Variants in PALLD observed in about 807,000 individuals in gnomAD.
PALLD encodes palladin, cytoskeletal associated protein, also known as palladin.
In PALLD, 61 loss-of-function variants were observed where a neutral mutation model predicts 123.5. The ratio of observed to expected loss-of-function variants is 0.49; its 90% CI spans 0.40 to 0.61. The LOEUF is 0.61. Ranked by LOEUF, PALLD falls within the 20% of genes least tolerant of loss-of-function variation. The pLI is 0.00. For missense variants in PALLD, 1,273 were observed against 1,377.0 expected (o/e 0.92, Z 1.20); for synonymous variants, 465 against 496.4 (o/e 0.94, Z 0.84).
chr4:168,818,306 AG>A (rs1440874464), intron 10 of PALLD, among the ~76,000 whole-genome samples: 4 of 152,076 alleles, frequency 2.6e-5, no homozygotes, highest in Non-Finnish European at 5.9e-5. Flanking sequence ...TGTCAAGAGC[AG>A]GGAAAAAAGG....
chr4:168,751,612 A>G (rs756725987), intron 10 of PALLD, among the ~76,000 whole-genome samples: 6 of 152,320 alleles, frequency 3.9e-5, no homozygotes, highest in East Asian at 1.9e-4. Context: ...CTTAATATCA[A>G]CTTGGAAGTA....
At chr4:168,886,940 A>C (rs1753415694) in intron 10 of PALLD, among the ~76,000 whole-genome samples, 1 of 151,774 alleles carries the variant, frequency 6.6e-6, no homozygotes, top group Non-Finnish European at 1.5e-5. Context: ...AACATGGTGA[A>C]ACCCCATCTC....
chr4:168,683,923 A>G (rs1398023486), intron 5 of PALLD, among the ~76,000 whole-genome samples: 1 of 152,190 alleles, frequency 6.6e-6, no homozygotes, highest in African/African-American at 2.4e-5. Context: ...GGAAAATACA[A>G]ACAGTAGAGA....
At chr4:168,548,926 T>C (rs1377886308) in intron 2 of PALLD, among the ~76,000 whole-genome samples, 1 of 152,042 alleles carries the variant, frequency 6.6e-6, no homozygotes, top group African/African-American at 2.4e-5. Flanking sequence ...GGCAGGAGGT[T>C]TGCTTGGGCC....
intron 2 of PALLD, among the ~76,000 whole-genome samples, chr4:168,649,865 G>C (rs1777855863): frequency 6.6e-6 from 1 of 152,104 alleles, no homozygotes; most frequent in Non-Finnish European, 1.5e-5. Flanking sequence ...TTTCTCTTTT[G>C]TACATTTTAA....
At position 168,771,738 on chromosome 4, in the gene PALLD, G is replaced by A. The variant is rs528983527; in HGVS notation, c.1964+59815G>A. ...CTTTACCACCTGATTCCCTCAAGGC[G>A]ACTCTCCTTCCCTCTGCCAGCACCC... On this transcript the variant is annotated intron_variant, in intron 10 of 21. Coordinates refer to ENST00000505667, the MANE Select transcript of PALLD (RefSeq NM_001166108.2). Among the ~76,000 whole-genome samples, 53 of 152,224 alleles carry A rather than the reference G, an allele frequency of 3.5e-4. No individual in the cohort carries two copies. The South Asian group carries it at 0.011, about 31-fold the overall frequency.
intron 1 of PALLD, among the ~76,000 whole-genome samples, chr4:168,506,571 T>C (rs1483417334): frequency 6.6e-6 from 1 of 152,170 alleles, no homozygotes; most frequent in Admixed American, 6.5e-5. Context: ...CTTTTTTACA[T>C]TTATTTTCAG....
chr4:168,656,172 A>G (rs1778540020), intron 2 of PALLD, among the ~76,000 whole-genome samples: 1 of 151,136 alleles, frequency 6.6e-6, no homozygotes, highest in African/African-American at 2.4e-5. Flanking sequence ...GAATAGCTGA[A>G]TGTGCACCTC....
chr4:168,647,098 C>T (rs1010378150), intron 2 of PALLD, among the ~76,000 whole-genome samples: 6 of 152,192 alleles, frequency 3.9e-5, no homozygotes, highest in Admixed American at 2.0e-4. Flanking sequence ...AAATAGTTAT[C>T]TTTCCTTCTT....
intron 2 of PALLD, among the ~76,000 whole-genome samples, chr4:168,603,555 A>T (rs1580529872): frequency 6.6e-6 from 1 of 152,356 alleles, no homozygotes; most frequent in East Asian, 1.9e-4. Flanking sequence ...GTTCTATGTT[A>T]GGCACAGCTG....
At chr4:168,619,444 T>A (rs1774540583) in intron 2 of PALLD, among the ~76,000 whole-genome samples, 1 of 152,198 alleles carries the variant, frequency 6.6e-6, no homozygotes, top group Non-Finnish European at 1.5e-5. Context: ...TTAGCTGTTT[T>A]AAACAGGGAA....
intron 1 of PALLD, among the ~76,000 whole-genome samples, chr4:168,502,613 T>C (rs1986996): frequency 0.68 from 103,702 of 152,030 alleles, 35,469 homozygotes; most frequent in East Asian, 0.77. Context: ...AGCAGAATAA[T>C]GTTTAGCTGC....
chr4:168,662,471 T>C (rs1334046945), intron 2 of PALLD, among the ~76,000 whole-genome samples: 2 of 152,262 alleles, frequency 1.3e-5, no homozygotes, highest in South Asian at 2.1e-4. Flanking sequence ...CTGAGGATTC[T>C]CAGACATTCT....
intron 10 of PALLD, among the ~76,000 whole-genome samples, chr4:168,790,161 T>C (rs1561525898): frequency 6.7e-6 from 1 of 149,656 alleles, no homozygotes; most frequent in African/African-American, 2.4e-5. Flanking sequence ...GTGGTTTCTT[T>C]TTTTTTTTTT....
At chr4:168,637,943 C>CAAACAAA (rs1776514622) in intron 2 of PALLD, among the ~76,000 whole-genome samples, 1 of 60,448 alleles carries the variant, frequency 1.7e-5, no homozygotes, top group Admixed American at 2.1e-4. Context: ...GAATACATCT[C>CAAACAAA]AAAAAAAAAA....
chr4:168,506,030 T>C (rs1283155076), intron 1 of PALLD: 3 of 152,196 alleles, frequency 2.0e-5, no homozygotes, highest in Non-Finnish European at 4.4e-5. Flanking sequence ...AGGCCACCTA[T>C]TCCTTGACCA....
intron 2 of PALLD, among the ~76,000 whole-genome samples, chr4:168,531,156 G>C (rs1764560984): frequency 6.6e-6 from 1 of 152,172 alleles, no homozygotes; most frequent in South Asian, 2.1e-4. Flanking sequence ...ATGTATGTGT[G>C]AATATATATA....
rs560190345 is a variant in PALLD, at chr4:168,644,197, T to G, written c.909-23993T>G. ...TCCACCTCCCGGGTTCAAGTGATTC[T>G]GTTGCCTCAGCCTCCCATGTAGCTG... is the stretch of plus-strand genomic sequence containing the variant. On this transcript the variant is annotated intron_variant, in intron 2 of 21. Coordinates refer to ENST00000505667, the MANE Select transcript of PALLD (RefSeq NM_001166108.2). 4.6e-5 allele frequency among the ~76,000 whole-genome samples: 7 copies of G among 152,084 alleles called. 1 individual carries two copies. The East Asian group carries it at 1.4e-3, about 29-fold the overall frequency.
At chr4:168,843,453 C>T (rs1222705347) in intron 10 of PALLD, among the ~76,000 whole-genome samples, 1 of 152,148 alleles carries the variant, frequency 6.6e-6, no homozygotes, top group Non-Finnish European at 1.5e-5. Flanking sequence ...TAAACAAATT[C>T]AGTGTAGCAC....
Sources: gnomAD v4.1 joint callset for allele counts (sites outside exome capture counted in the v4.1 genomes callset) on GRCh38, gnomAD v4.1.1 for gene constraint, MANE v1.5 for transcripts, NCBI Gene and HGNC (gene_info 2026-07-23, HGNC 2026-07-21) for gene names.